MDGA2: variants seen among roughly 807,000 people sequenced by gnomAD.
The protein encoded by MDGA2 is MAM domain containing glycosylphosphatidylinositol anchor 2, also known as MAM domain-containing glycosylphosphatidylinositol anchor protein 2.
Under a neutral mutation model 117.8 loss-of-function variants are expected in MDGA2, and 40 were observed. The observed-to-expected ratio is 0.34, with a 90% confidence interval of 0.26 to 0.44. The LOEUF (loss-of-function observed/expected upper bound fraction) is 0.44. Ranked by LOEUF, MDGA2 falls within the 20% of genes least tolerant of loss-of-function variation. The pLI, the probability that MDGA2 is intolerant of heterozygous loss-of-function variation, is 1.00. For missense variants in MDGA2, 1,123 were observed against 1,250.6 expected (o/e 0.90, Z 1.54); for synonymous variants, 452 against 439.0 (o/e 1.03, Z -0.37).
chr14:46,926,488 G>A (rs1319026259), intron 9 of MDGA2, among the ~76,000 whole-genome samples: 4 of 151,164 alleles, frequency 2.6e-5, no homozygotes, highest in African/African-American at 4.9e-5. Context: ...ATAGCCAAAC[G>A]ATTTGAGAAT....
intron 8 of MDGA2, among the ~76,000 whole-genome samples, chr14:47,020,054 T>C (rs1337713975): frequency 6.6e-6 from 1 of 152,114 alleles, no homozygotes; most frequent in Non-Finnish European, 1.5e-5. Flanking sequence ...GTGCACAACT[T>C]TACAGGTCCC....
intron 8 of MDGA2, among the ~76,000 whole-genome samples, chr14:46,968,218 A>T (rs1886112729): frequency 6.6e-6 from 1 of 152,126 alleles, no homozygotes; most frequent in Non-Finnish European, 1.5e-5. Flanking sequence ...GCAGGCTATT[A>T]TGGGACCAAG....
At chr14:47,145,746 G>T (rs997412109) in intron 3 of MDGA2, among the ~76,000 whole-genome samples, 11 of 152,226 alleles carry the variant, frequency 7.2e-5, no homozygotes, top group Admixed American at 4.6e-4. Context: ...TGGACACATA[G>T]TATTAAGTTG....
chr14:47,476,890 G>C (rs1282395654), intron 1 of MDGA2, among the ~76,000 whole-genome samples: 1 of 152,100 alleles, frequency 6.6e-6, no homozygotes, highest in Admixed American at 6.5e-5. Flanking sequence ...CACTGGGCGT[G>C]GTGGCTCATG....
intron 8 of MDGA2, among the ~76,000 whole-genome samples, chr14:47,020,655 C>T (rs908128911): frequency 6.6e-6 from 1 of 152,132 alleles, no homozygotes; most frequent in Non-Finnish European, 1.5e-5. Context: ...ATCATATTTT[C>T]CCAAGACTAT....
chr14:47,207,014 A>G (rs563144844), intron 3 of MDGA2, among the ~76,000 whole-genome samples: 4 of 152,154 alleles, frequency 2.6e-5, no homozygotes, highest in African/African-American at 9.6e-5. Flanking sequence ...TAAAAGAGAT[A>G]ACATCACTTT....
intron 8 of MDGA2, among the ~76,000 whole-genome samples, chr14:46,991,673 T>C (rs1251224393): frequency 1.7e-4 from 26 of 152,164 alleles, no homozygotes; most frequent in Admixed American, 1.7e-3. Flanking sequence ...GGAATGTTTC[T>C]AAGGGAAAAA....
chr14:47,445,204 T>C (rs1472855984), intron 1 of MDGA2, among the ~76,000 whole-genome samples: 1 of 152,038 alleles, frequency 6.6e-6, no homozygotes, highest in Non-Finnish European at 1.5e-5. Context: ...ATAAGTGAAG[T>C]TCAGTGGTAG....
intron 1 of MDGA2, among the ~76,000 whole-genome samples, chr14:47,383,683 C>T (rs1259764809): frequency 6.6e-6 from 1 of 152,016 alleles, no homozygotes; most frequent in East Asian, 1.9e-4. Flanking sequence ...AGAGTACAGG[C>T]ACCTGCCACC....
At chr14:46,970,006 A>T (rs1356476099) in intron 8 of MDGA2, among the ~76,000 whole-genome samples, 1 of 148,122 alleles carries the variant, frequency 6.8e-6, no homozygotes, top group Non-Finnish European at 1.5e-5. Context: ...GAAGTAAAAG[A>T]TCTCTGCAAG....
chr14:47,380,053 C>T (rs7159485), intron 1 of MDGA2, among the ~76,000 whole-genome samples: 69,951 of 151,944 alleles, frequency 0.46, 16,635 homozygotes, highest in East Asian at 0.61. Context: ...AAACTAGAAC[C>T]CAGGATTGAG....
chr14:47,546,321 G>T (rs1378187983), intron 1 of MDGA2, among the ~76,000 whole-genome samples: 1 of 152,106 alleles, frequency 6.6e-6, no homozygotes, highest in Non-Finnish European at 1.5e-5. Context: ...GAAGAAAGGA[G>T]TCCTGCTGGA....
At chr14:47,145,834 T>C (rs752532234) in intron 3 of MDGA2, among the ~76,000 whole-genome samples, 10 of 152,186 alleles carry the variant, frequency 6.6e-5, no homozygotes, top group Non-Finnish European at 1.2e-4. Flanking sequence ...TTATTAATAA[T>C]ATTACTATCA....
chr14:47,222,982 G>A (rs1447596440), intron 2 of MDGA2, among the ~76,000 whole-genome samples: 1 of 152,150 alleles, frequency 6.6e-6, no homozygotes, highest in East Asian at 1.9e-4. Context: ...GTTTTAATTG[G>A]ACTTACTGTT....
At chr14:47,069,517 G>A (rs1199628025) in intron 6 of MDGA2, among the ~76,000 whole-genome samples, 1 of 152,136 alleles carries the variant, frequency 6.6e-6, no homozygotes, top group Non-Finnish European at 1.5e-5. Flanking sequence ...AAATAAATTA[G>A]TGGACTGTTC....
chr14:47,285,991 C>T (rs1043272385), intron 2 of MDGA2, among the ~76,000 whole-genome samples: 16 of 151,708 alleles, frequency 1.1e-4, no homozygotes, highest in African/African-American at 3.4e-4. Flanking sequence ...AGACCTACTA[C>T]GTGTGAAGCT....
chr14:47,483,422 T>C (rs1215366888), intron 1 of MDGA2, among the ~76,000 whole-genome samples: 1 of 141,036 alleles, frequency 7.1e-6, no homozygotes, highest in Non-Finnish European at 1.5e-5. Context: ...ACTTGCCTTT[T>C]TTATTTCTTT....
intron 2 of MDGA2, among the ~76,000 whole-genome samples, chr14:47,241,782 TG>T (rs919515753): frequency 1.3e-5 from 2 of 151,830 alleles, no homozygotes; most frequent in African/African-American, 4.8e-5. Flanking sequence ...TAAAAAAAAA[TG>T]TTTAACATTC....
At chr14:47,593,949 A>T (rs545974397) in intron 1 of MDGA2, among the ~76,000 whole-genome samples, 6 of 152,294 alleles carry the variant, frequency 3.9e-5, no homozygotes, top group Admixed American at 3.9e-4. Flanking sequence ...GTTACTGCAA[A>T]TATTTCTTGC....
Sources: gnomAD v4.1 joint callset for allele counts (sites outside exome capture counted in the v4.1 genomes callset) on GRCh38, gnomAD v4.1.1 for gene constraint, MANE v1.5 for transcripts, NCBI Gene and HGNC (gene_info 2026-07-23, HGNC 2026-07-21) for gene names.